The following CNTN4 variants were observed in gnomAD, a reference collection of about 807,000 sequenced individuals.
CNTN4 encodes the protein contactin-4.
CNTN4 carries 77 observed loss-of-function variants against 122.5 expected under a neutral mutation model. That is an observed-to-expected ratio of 0.63 (90% confidence interval 0.52 to 0.76). The LOEUF is 0.76. CNTN4 is among the 30% of genes least tolerant of loss of function. CNTN4 has a pLI of 0.00. For synonymous variants in CNTN4, 512 were observed against 447.0 expected (o/e 1.15, Z -1.83); for missense variants, 1,256 against 1,259.1 (o/e 1.00, Z 0.04).
intron 3 of CNTN4, among the ~76,000 whole-genome samples, chr3:2,400,352 A>ATG (rs1248537620): frequency 6.9e-6 from 1 of 145,556 alleles, no homozygotes; most frequent in Non-Finnish European, 1.5e-5. Flanking sequence ...ATATATATAT[A>ATG]TGTGGGTGGG....
intron 4 of CNTN4, among the ~76,000 whole-genome samples, chr3:2,732,625 C>T (rs2088779616): frequency 6.6e-6 from 1 of 152,112 alleles, no homozygotes; most frequent in Admixed American, 6.5e-5. Context: ...ATAGAACAAA[C>T]TTAGGGATGC....
At chr3:2,693,689 T>C (rs904398040) in intron 4 of CNTN4, among the ~76,000 whole-genome samples, 3 of 152,080 alleles carry the variant, frequency 2.0e-5, no homozygotes, top group African/African-American at 7.2e-5. Context: ...CTCCAAGAAA[T>C]AGAGTACGTA....
At chr3:2,766,395 A>G (rs7632330) in intron 6 of CNTN4, among the ~76,000 whole-genome samples, 17 of 152,226 alleles carry the variant, frequency 1.1e-4, no homozygotes, top group Non-Finnish European at 1.8e-4. Context: ...CATATATATG[A>G]TGGAATACCA....
intron 2 of CNTN4, among the ~76,000 whole-genome samples, chr3:2,144,399 TTTG>T (rs1220273661): frequency 6.6e-6 from 1 of 152,212 alleles, no homozygotes; most frequent in South Asian, 2.1e-4. Context: ...TGTTTTAGAC[TTTG>T]TTGGTTCTAC....
chr3:2,134,118 C>T (rs1409560373), intron 2 of CNTN4, among the ~76,000 whole-genome samples: 1 of 152,172 alleles, frequency 6.6e-6, no homozygotes, highest in South Asian at 2.1e-4. Context: ...TACCGACCTC[C>T]ATTAAGAGGT....
chr3:2,607,255 G>A (rs1415660104), intron 4 of CNTN4, among the ~76,000 whole-genome samples: 4 of 152,174 alleles, frequency 2.6e-5, no homozygotes, highest in African/African-American at 9.7e-5. Context: ...AGTTGAATAT[G>A]TGCTACCTAC....
intron 1 of CNTN4, chr3:2,099,272 A>T (rs1253488670): frequency 6.6e-6 from 1 of 152,258 alleles, no homozygotes; most frequent in Non-Finnish European, 1.5e-5. Context: ...TCTCCTTCTC[A>T]GCCGGAAAAT....
At chr3:2,620,881 G>A (rs184402480) in intron 4 of CNTN4, among the ~76,000 whole-genome samples, 7 of 152,020 alleles carry the variant, frequency 4.6e-5, no homozygotes, top group African/African-American at 9.7e-5. Flanking sequence ...TTTTCCTTTC[G>A]GATCCTCTTC....
intron 6 of CNTN4, among the ~76,000 whole-genome samples, chr3:2,751,843 A>AT (rs542639420): frequency 6.0e-5 from 9 of 151,250 alleles, no homozygotes; most frequent in South Asian, 2.1e-4. Context: ...ACAAATCCTC[A>AT]TTTTTTTTTA....
At chr3:2,729,301 A>G (rs958986360) in intron 4 of CNTN4, among the ~76,000 whole-genome samples, 1 of 151,944 alleles carries the variant, frequency 6.6e-6, no homozygotes, top group Non-Finnish European at 1.5e-5. Flanking sequence ...GCGGTGGCTC[A>G]CGCCTGTAAT....
intron 4 of CNTN4, among the ~76,000 whole-genome samples, chr3:2,580,003 A>G (rs1466459): frequency 0.53 from 80,749 of 151,808 alleles, 22,705 homozygotes; most frequent in East Asian, 0.71. Flanking sequence ...ATAAATACCT[A>G]TGCAGAACAA....
chr3:2,220,799 A>G (rs923466778), intron 2 of CNTN4, among the ~76,000 whole-genome samples: 3 of 152,092 alleles, frequency 2.0e-5, no homozygotes, highest in Admixed American at 6.5e-5. Flanking sequence ...AACTGTTACT[A>G]TTGTCTTCAT....
At chr3:2,492,420 C>G (rs1046862567) in intron 3 of CNTN4, among the ~76,000 whole-genome samples, 4 of 152,094 alleles carry the variant, frequency 2.6e-5, no homozygotes, top group African/African-American at 9.7e-5. Context: ...AGATGTCATA[C>G]CCGGTTGACA....
chr3:2,760,269 T>G (rs2090528030), intron 6 of CNTN4, among the ~76,000 whole-genome samples: 1 of 152,216 alleles, frequency 6.6e-6, no homozygotes. Context: ...TGACAAAAAC[T>G]TACTCCTATG....
intron 4 of CNTN4, among the ~76,000 whole-genome samples, chr3:2,632,574 A>C (rs1367835982): frequency 6.6e-6 from 1 of 152,172 alleles, no homozygotes; most frequent in Non-Finnish European, 1.5e-5. Flanking sequence ...CATAGTATTG[A>C]CATTGAGAGA....
At chr3:2,541,979 G>T (rs966434873) in intron 3 of CNTN4, among the ~76,000 whole-genome samples, 2 of 152,082 alleles carry the variant, frequency 1.3e-5, no homozygotes, top group African/African-American at 4.8e-5. Flanking sequence ...ACCAGCAATG[G>T]AGAGACTATT....
intron 2 of CNTN4, among the ~76,000 whole-genome samples, chr3:2,221,143 G>T (rs957338862): frequency 3.3e-5 from 5 of 152,038 alleles, no homozygotes; most frequent in African/African-American, 1.2e-4. Flanking sequence ...ACAATTGGTT[G>T]TACTGAAATA....
intron 2 of CNTN4, among the ~76,000 whole-genome samples, chr3:2,254,861 T>C (rs1228595452): frequency 1.3e-5 from 2 of 152,228 alleles, no homozygotes; most frequent in African/African-American, 2.4e-5. Context: ...TGATAGTTTC[T>C]TTTGCTGTGA....
intron 2 of CNTN4, among the ~76,000 whole-genome samples, chr3:2,243,996 T>C (rs897465560): frequency 6.6e-6 from 1 of 152,074 alleles, no homozygotes; most frequent in African/African-American, 2.4e-5. Flanking sequence ...ATTTGTGCAT[T>C]TTAAGTAACA....
Sources: allele counts gnomAD v4.1 joint callset (sites outside exome capture counted in the v4.1 genomes callset), GRCh38; gene constraint gnomAD v4.1.1; transcripts MANE v1.5; gene names NCBI Gene and HGNC (gene_info 2026-07-23, HGNC 2026-07-21).